PLXNA4: variants seen among roughly 807,000 people sequenced by gnomAD.
PLXNA4 encodes the protein plexin-A4.
A neutral mutation model predicts 191.8 loss-of-function variants in PLXNA4; 44 were observed. That is an observed-to-expected ratio of 0.23 (90% CI 0.18 to 0.29). The LOEUF (loss-of-function observed/expected upper bound fraction) is 0.29, where lower values mean the gene tolerates loss of function less well. PLXNA4 is among the 10% of genes least tolerant of loss of function. The pLI, the probability that PLXNA4 is intolerant of heterozygous loss-of-function variation, is 1.00. For synonymous variants in PLXNA4, 1,082 were observed against 1,009.5 expected (o/e 1.07, Z -1.36); for missense variants, 1,800 against 2,488.8 (o/e 0.72, Z 5.89).
At chr7:132,575,901 A>AC (rs1325639423) in intron 1 of PLXNA4, among the ~76,000 whole-genome samples, 10 of 152,064 alleles carry the variant, frequency 6.6e-5, no homozygotes. Flanking sequence ...GCGCTGGGCC[A>AC]CCACTCTCTC....
chr7:132,592,870 A>C (rs1372015950), intron 2 of PLXNA4, among the ~76,000 whole-genome samples: 1 of 151,860 alleles, frequency 6.6e-6, no homozygotes, highest in Non-Finnish European at 1.5e-5. Context: ...AAAAAATTTA[A>C]AAAAAAAAAC....
intron 31 of PLXNA4, among the ~76,000 whole-genome samples, 188 bp from the exon 32 acceptor site, chr7:132,130,762 C>G (rs1794903881): frequency 6.6e-6 from 1 of 152,144 alleles, no homozygotes; most frequent in Non-Finnish European, 1.5e-5. Context: ...GCAGGCATAG[C>G]ATGTGAGCAT....
intron 3 of PLXNA4, among the ~76,000 whole-genome samples, chr7:132,441,792 G>A (rs1054778605): frequency 2.6e-5 from 4 of 152,144 alleles, no homozygotes; most frequent in African/African-American, 7.2e-5. Context: ...GGAAATGAAG[G>A]TCTCACAAAC....
intron 2 of PLXNA4, among the ~76,000 whole-genome samples, chr7:132,493,618 C>T (rs931947913): frequency 2.0e-5 from 3 of 152,062 alleles, no homozygotes; most frequent in African/African-American, 4.8e-5. Flanking sequence ...ACAGGGGCCA[C>T]GTTTTATGCA....
At chr7:132,554,847 C>G (rs1800719146) in intron 1 of PLXNA4, among the ~76,000 whole-genome samples, 1 of 152,130 alleles carries the variant, frequency 6.6e-6, no homozygotes, top group Non-Finnish European at 1.5e-5. Flanking sequence ...CCTCTCTGGT[C>G]TCTGATGGAC....
chr7:132,301,918 A>T (rs756436914), intron 3 of PLXNA4, among the ~76,000 whole-genome samples: 4 of 152,246 alleles, frequency 2.6e-5, no homozygotes, highest in Non-Finnish European at 5.9e-5. Flanking sequence ...GAAGCAGCCA[A>T]GATGGAGGCT....
At chr7:132,191,300 A>T (rs1288226060) in intron 14 of PLXNA4, among the ~76,000 whole-genome samples, 3 of 152,182 alleles carry the variant, frequency 2.0e-5, no homozygotes, top group African/African-American at 7.2e-5. Context: ...TGATGGATTG[A>T]TGTCAGGAAT....
At chr7:132,231,365 T>A (rs767448255) in intron 5 of PLXNA4, among the ~76,000 whole-genome samples, 1 of 152,238 alleles carries the variant, frequency 6.6e-6, no homozygotes, top group East Asian at 1.9e-4. Flanking sequence ...CTCTCCAAAC[T>A]GTAGCTGATG....
chr7:132,566,587 T>C (rs1042018949), intron 1 of PLXNA4, among the ~76,000 whole-genome samples: 3 of 152,194 alleles, frequency 2.0e-5, no homozygotes, highest in African/African-American at 7.2e-5. Flanking sequence ...GTCAGTTATA[T>C]TGAAGCCTCT....
chr7:132,430,874 C>T (rs1158068077), intron 3 of PLXNA4, among the ~76,000 whole-genome samples: 3 of 152,144 alleles, frequency 2.0e-5, no homozygotes, highest in Non-Finnish European at 4.4e-5. Context: ...TAAAGAAACC[C>T]TAAACTAGGA....
At position 132,406,128 on chromosome 7, in the gene PLXNA4, T is replaced by G. The variant is rs143875694; in HGVS notation, c.1371+83164A>C. On this transcript the variant is annotated intron_variant, in intron 3 of 31. Coordinates refer to ENST00000321063, the MANE Select transcript of PLXNA4 (RefSeq NM_020911.2). ...AGTCCAAGTGTCTCCAGGCTTACACTGCAGGGTTAAAAGAACTTTTCAGAT... is the reference window on the plus strand; with the variant it reads ...AGTCCAAGTGTCTCCAGGCTTACACGGCAGGGTTAAAAGAACTTTTCAGAT... Among the ~76,000 whole-genome samples the G allele has an allele frequency of 6.2e-3, 949 of 152,310 alleles. 4 individuals are homozygous for G. Among genetic ancestry groups the G allele is most frequent in the Non-Finnish European group, 9.2e-3 (623 of 68,026 alleles).
chr7:132,557,329 C>T (rs1413654862), intron 1 of PLXNA4, among the ~76,000 whole-genome samples: 1 of 152,152 alleles, frequency 6.6e-6, no homozygotes, highest in Admixed American at 6.5e-5. Context: ...GTTCCCATCC[C>T]CTGCAAAGGC....
At chr7:132,563,854 CT>C (rs1801537749) in intron 1 of PLXNA4, among the ~76,000 whole-genome samples, 1 of 39,968 alleles carries the variant, frequency 2.5e-5, no homozygotes, top group Non-Finnish European at 7.7e-5. Flanking sequence ...TCTGCTGCTC[CT>C]CCTCCTCCTC....
At chr7:132,374,537 G>T (rs867786076) in intron 3 of PLXNA4, among the ~76,000 whole-genome samples, 1 of 152,170 alleles carries the variant, frequency 6.6e-6, no homozygotes, top group Non-Finnish European at 1.5e-5. Context: ...GTATCAGAAC[G>T]CATCCATCAG....
intron 21 of PLXNA4, among the ~76,000 whole-genome samples, chr7:132,171,001 C>T (rs533471447): frequency 2.0e-5 from 3 of 152,190 alleles, no homozygotes; most frequent in Admixed American, 1.3e-4. Context: ...CCTGCCTCCC[C>T]CAGTTCTCCC....
At chr7:132,514,122 G>C (rs1050717412) in intron 1 of PLXNA4, among the ~76,000 whole-genome samples, 2 of 151,380 alleles carry the variant, frequency 1.3e-5, no homozygotes, top group Admixed American at 6.6e-5. Context: ...TGTGATCTCA[G>C]CTCACTGCAA....
intron 14 of PLXNA4, among the ~76,000 whole-genome samples, chr7:132,188,998 G>GGAAAGGAAAGGAAAGGAAAGGA (rs1562908835): frequency 1.2e-4 from 6 of 50,978 alleles, no homozygotes; most frequent in Admixed American, 2.2e-4. Context: ...GGAAAGGAGA[G>GGAAAGGAAAGGAAAGGAAAGGA]AGAGAGAGAG....
intron 3 of PLXNA4, among the ~76,000 whole-genome samples, chr7:132,404,251 C>T (rs2117054992): frequency 6.6e-6 from 1 of 152,292 alleles, no homozygotes; most frequent in Admixed American, 6.5e-5. Context: ...TCTGATGGGC[C>T]CGCCCAACAC....
At position 132,124,333 on chromosome 7, in the gene PLXNA4, T is replaced by C. The variant is rs1335902040; in HGVS notation, c.*6146A>G. The C allele has an allele frequency of 6.6e-6, 1 of 152,180 alleles. No individual in the cohort carries two copies. Among genetic ancestry groups the C allele is most frequent in the Non-Finnish European group, 1.5e-5 (1 of 68,032 alleles). The allele number at this position is 152,180 out of a possible 1,614,324, so 9.4% of individuals were successfully genotyped here. On this transcript the variant is annotated 3_prime_UTR_variant, in exon 32 of 32. Coordinates refer to ENST00000321063, the MANE Select transcript of PLXNA4 (RefSeq NM_020911.2). ...AGGAGGACAGACAGATGAGCACGTG[T>C]ATCCCATCTTCGTCCTGTGCCTGGA...
Sources: allele counts gnomAD v4.1 joint callset (sites outside exome capture counted in the v4.1 genomes callset), GRCh38; gene constraint gnomAD v4.1.1; transcripts MANE v1.5; gene names NCBI Gene and HGNC (gene_info 2026-07-23, HGNC 2026-07-21).